ZNF573: variants seen among roughly 807,000 people sequenced by gnomAD.
The protein encoded by ZNF573 is zinc finger protein 573.
A neutral mutation model predicts 57.4 loss-of-function variants in ZNF573; 41 were observed. The ratio of observed to expected loss-of-function variants is 0.71; its 90% CI spans 0.56 to 0.93. The LOEUF is 0.93. Among genes scored for constraint, ZNF573 ranks in the 40% least tolerant of loss-of-function variants. ZNF573 has a pLI of 0.00. For missense variants in ZNF573, 730 were observed against 794.8 expected (o/e 0.92, Z 0.98); for synonymous variants, 249 against 261.0 (o/e 0.95, Z 0.44).
At chr19:37,760,763 A>T (rs544582284) in intron 4 of ZNF573, among the ~76,000 whole-genome samples, 1 of 152,050 alleles carries the variant, frequency 6.6e-6, no homozygotes, top group South Asian at 2.1e-4. Context: ...CGGAGGTTGT[A>T]GTGAGCTGAG....
chr19:37,772,811 T>C (rs1034885681), intron 2 of ZNF573: 96 of 243,594 alleles, frequency 3.9e-4, no homozygotes, highest in African/African-American at 2.0e-3. Flanking sequence ...TTTTTGTACT[T>C]TTTTTGTAGA....
At chr19:37,758,969 T>C (rs894581834) in intron 4 of ZNF573, 5 of 386,440 alleles carry the variant, frequency 1.3e-5, no homozygotes, top group Non-Finnish European at 1.8e-5. Flanking sequence ...TGCTTTCTAA[T>C]ATATCAATAA....
At chr19:37,740,777 CA>C in intron 4 of ZNF573, 1 of 326,482 alleles carries the variant, frequency 3.1e-6, no homozygotes, top group Non-Finnish European at 6.0e-6. Flanking sequence ...CTGCAGATAC[CA>C]AAACCCAACC....
In ZNF573 at chr19:37,770,080, T is replaced by G. The variant is rs951583091; in HGVS notation, c.220A>C (p.Lys74Gln). The G allele has an allele frequency of 6.4e-7, 1 of 1,551,140 alleles. No individual in the cohort carries two copies. Reference protein sequence around the residue: ...LVSLGGHSISKPVVVDLLERG... With the variant: ...LVSLGGHSISQPVVVDLLERG... ...TCCAGTAAATCAACCACAACTGGTTTAGAAATGGAATGTCCTCCTTATAAG... is the reference window on the plus strand; with the variant it reads ...TCCAGTAAATCAACCACAACTGGTTGAGAAATGGAATGTCCTCCTTATAAG... Residue 74 changes from lysine to glutamine, a missense_variant, in exon 4 of 5, where the codon AAA becomes CAA. Physicochemically the swap from Lys to Gln is moderately conservative, Grantham distance 53. Transcript: ENST00000536220.
At chr19:37,755,270 A>G (rs969618276) in intron 4 of ZNF573, 3 of 152,142 alleles carry the variant, frequency 2.0e-5, no homozygotes, top group Non-Finnish European at 2.9e-5. Flanking sequence ...ACCTGGCCCA[A>G]TGGAATAAAT....
intron 4 of ZNF573, among the ~76,000 whole-genome samples, chr19:37,763,132 A>G (rs1051496924): frequency 1.3e-5 from 2 of 149,398 alleles, no homozygotes; most frequent in Admixed American, 6.7e-5. Context: ...CTCATTTCCT[A>G]GCACTTGAGC....
chr19:37,745,497 C>T (rs1273274842), intron 4 of ZNF573, among the ~76,000 whole-genome samples: 3 of 152,062 alleles, frequency 2.0e-5, no homozygotes, highest in South Asian at 4.2e-4. Context: ...CCGGGTTCAA[C>T]GGATTCTACT....
rs1037095792 is a variant in ZNF573 at position 37,739,215 on chromosome 19, C to T, written c.1275G>A (p.Leu425=). 7.4e-6 allele frequency: 12 copies of T among 1,613,218 alleles called. No individual in the cohort carries two copies. Among genetic ancestry groups the T allele is most frequent in the South Asian group, 1.1e-5 (1 of 90,888 alleles). ...ECKECGKAFS[L]YGYLKQHQKI... is the part of the protein sequence containing the mutation. ...TCTGATGTTGTTTAAGGTAGCCATA[C>T]AAGCTAAAGGCCTTTCCGCATTCCT... The change falls in exon 5 of 5, where the codon TTG becomes TTA. Residue 425 remains leucine (L), a synonymous_variant. Transcript: ENST00000536220.
At chr19:37,740,805 A>C in intron 4 of ZNF573, 2 of 314,450 alleles carry the variant, frequency 6.4e-6, no homozygotes, top group South Asian at 5.4e-5. Context: ...CCGACGCCTT[A>C]AGTCCCTGAT....
Position 37,744,930 on chromosome 19 carries a change from C to T in ZNF573, c.296-4736G>A, listed in dbSNP as rs894281283. Among the ~76,000 whole-genome samples, 10 of 151,472 alleles carry T rather than the reference C, an allele frequency of 6.6e-5. No individual in the cohort carries two copies. The South Asian group carries it at 1.3e-3, about 19-fold the overall frequency. ...CCGAGTAGCTGGGACTACAGGCACC[C>T]GCCACCACGCCCCGCTAAATTTTTT... On this transcript the variant is annotated intron_variant, in intron 4 of 4. Transcript: ENST00000536220.
intron 4 of ZNF573, among the ~76,000 whole-genome samples, chr19:37,757,488 C>T (rs142984006): frequency 1.3e-5 from 2 of 152,274 alleles, no homozygotes; most frequent in African/African-American, 2.4e-5. Context: ...TGAGCTACCG[C>T]GCCCGGCCCA....
intron 4 of ZNF573, among the ~76,000 whole-genome samples, chr19:37,769,578 T>G (rs536234342): frequency 2.3e-4 from 34 of 150,750 alleles, no homozygotes; most frequent in Non-Finnish European, 4.3e-4. Flanking sequence ...ATACAAAAAT[T>G]AGCTGGGCAC....
intron 1 of ZNF573, chr19:37,778,679 G>T (rs944422342): frequency 6.6e-6 from 1 of 152,096 alleles, no homozygotes; most frequent in South Asian, 2.1e-4. Flanking sequence ...AGATGTGAAA[G>T]AATTTTTTTC....
intron 1 of ZNF573, among the ~76,000 whole-genome samples, chr19:37,776,270 C>G (rs1386786069): frequency 6.6e-6 from 1 of 152,126 alleles, no homozygotes; most frequent in Non-Finnish European, 1.5e-5. Context: ...CAGCATGGGA[C>G]TGGTATAAAA....
In ZNF573 at chr19:37,771,662, A is replaced by G; in HGVS notation, c.104T>C (p.Ile35Thr). 6.2e-7 allele frequency: 1 copy of G among 1,600,266 alleles called. No homozygotes were observed. Among genetic ancestry groups the G allele is most frequent in the Non-Finnish European group, 8.5e-7 (1 of 1,176,034 alleles). The change falls in exon 3 of 5, where the codon ATA becomes ACA. Residue 35 changes from isoleucine (I) to threonine (T), a missense_variant. Transcript: ENST00000536220. The part of the protein sequence containing the change: ...QELVTFRDVA[I>T]DFSRQEWEYL... ...TTCCCACTCCTGCCGAGAGAAGTCT[A>G]TGGCCACATCCCTGAATGTCACTAA...
intron 1 of ZNF573, among the ~76,000 whole-genome samples, chr19:37,774,894 C>T (rs2045693417): frequency 6.6e-6 from 1 of 151,964 alleles, no homozygotes; most frequent in East Asian, 1.9e-4. Context: ...CATACATTAA[C>T]TTAAAAAATA....
chr19:37,750,015 G>C (rs181168527), intron 4 of ZNF573, among the ~76,000 whole-genome samples: 250 of 152,202 alleles, frequency 1.6e-3, no homozygotes, highest in African/African-American at 5.9e-3. Flanking sequence ...ATTCTAAGAG[G>C]GGGTAAAAGG....
chr19:37,755,898 T>A (rs1018174122), intron 4 of ZNF573, among the ~76,000 whole-genome samples: 1 of 150,790 alleles, frequency 6.6e-6, no homozygotes, highest in Non-Finnish European at 1.5e-5. Flanking sequence ...TCCTAATACA[T>A]GAAATAAAGA....
intron 4 of ZNF573, among the ~76,000 whole-genome samples, chr19:37,768,422 A>G (rs1159284996): frequency 6.6e-6 from 1 of 152,012 alleles, no homozygotes; most frequent in African/African-American, 2.4e-5. Context: ...TTGACTATCC[A>G]TACTCCTTCC....
Sources: gnomAD v4.1 joint callset for allele counts (sites outside exome capture counted in the v4.1 genomes callset) on GRCh38, gnomAD v4.1.1 for gene constraint, MANE v1.5 for transcripts, NCBI Gene and HGNC (gene_info 2026-07-23, HGNC 2026-07-21) for gene names.